MPZL1: variants seen among roughly 807,000 people sequenced by gnomAD.
The protein encoded by MPZL1 is myelin protein zero like 1.
Under a neutral mutation model 29.3 loss-of-function variants are expected in MPZL1, and 16 were observed. The observed-to-expected ratio is 0.55, with a 90% CI of 0.37 to 0.83. The LOEUF (loss-of-function observed/expected upper bound fraction) is 0.83. MPZL1 is among the 40% of genes least tolerant of loss of function. The probability of loss-of-function intolerance (pLI) is 0.00; values close to 1 mark genes in which losing one functional copy is unlikely to be tolerated. For synonymous variants in MPZL1, 143 were observed against 132.0 expected (o/e 1.08, Z -0.57); for missense variants, 279 against 332.9 (o/e 0.84, Z 1.26).
intron 1 of MPZL1, among the ~76,000 whole-genome samples, chr1:167,754,123 A>G (rs1191261936): frequency 1.3e-5 from 2 of 151,726 alleles, no homozygotes; most frequent in African/African-American, 4.8e-5. Flanking sequence ...TCAGCCTCCC[A>G]AGTAGCTGAG....
At chr1:167,778,731 T>C (rs1294700319) in intron 5 of MPZL1, among the ~76,000 whole-genome samples, 2 of 151,656 alleles carry the variant, frequency 1.3e-5, no homozygotes, top group Admixed American at 6.6e-5. Flanking sequence ...AAAGGAAAGC[T>C]TGAACCCAAT....
chr1:167,774,370 G>C (rs1025131985), intron 4 of MPZL1, among the ~76,000 whole-genome samples: 1 of 152,208 alleles, frequency 6.6e-6, no homozygotes, highest in Admixed American at 6.5e-5. Flanking sequence ...TGCATGTCCT[G>C]AACTCTCTTG....
rs68082264 is a variant in MPZL1, at chr1:167,739,310, C to CATATATACATATAT, written c.91+17069_91+17070insTATATACATATATA. On this transcript the variant is annotated intron_variant, in intron 1 of 5. Transcript: ENST00000359523. ...ATATATATATATATATATATATATA[C>CATATATACATATAT]ACATATATATATTTATGTTTATTCT... 5.6e-3 allele frequency among the ~76,000 whole-genome samples: 568 copies of CATATATACATATAT among 101,348 alleles called. 10 individuals carry two copies. Among genetic ancestry groups the CATATATACATATAT allele is most frequent in the Admixed American group, 7.6e-3 (76 of 9,970 alleles). The allele number at this position is 101,348 out of a possible 152,430, so 66.5% of individuals were successfully genotyped here.
chr1:167,739,492 A>G (rs1295671657), intron 1 of MPZL1, among the ~76,000 whole-genome samples: 3 of 151,584 alleles, frequency 2.0e-5, no homozygotes, highest in African/African-American at 7.3e-5. Context: ...TTTAAGTAGA[A>G]GAGCTTTTGA....
At chr1:167,739,286 T>TATATATATATAC (rs1230817931) in intron 1 of MPZL1, among the ~76,000 whole-genome samples, 3 of 108,298 alleles carry the variant, frequency 2.8e-5, no homozygotes, top group African/African-American at 1.1e-4. Flanking sequence ...TATATACATA[T>TATATATATATAC]ATATATATAT....
chr1:167,747,029 T>C (rs1222191675), intron 1 of MPZL1, among the ~76,000 whole-genome samples: 3 of 152,094 alleles, frequency 2.0e-5, no homozygotes, highest in African/African-American at 7.2e-5. Context: ...TATAGAGAGT[T>C]AGAAGATCAG....
chr1:167,774,561 T>C (rs1476298240), intron 4 of MPZL1: 1 of 152,276 alleles, frequency 6.6e-6, no homozygotes, highest in East Asian at 1.9e-4. Flanking sequence ...ATAGTTGGAC[T>C]ATTGGTTTCA....
intron 1 of MPZL1, among the ~76,000 whole-genome samples, chr1:167,726,343 T>C (rs1243465777): frequency 6.6e-6 from 1 of 152,234 alleles, no homozygotes; most frequent in Non-Finnish European, 1.5e-5. Context: ...TACTTCCTTA[T>C]TGTAATTTCT....
At chr1:167,759,842 C>T (rs1660944967) in intron 1 of MPZL1, among the ~76,000 whole-genome samples, 1 of 152,112 alleles carries the variant, frequency 6.6e-6, no homozygotes, top group Non-Finnish European at 1.5e-5. Context: ...ACATGGTAAC[C>T]AGGGTGGCTG....
intron 1 of MPZL1, among the ~76,000 whole-genome samples, chr1:167,724,060 G>A (rs979234224): frequency 6.6e-6 from 1 of 152,138 alleles, no homozygotes; most frequent in African/African-American, 2.4e-5. Flanking sequence ...CTCGCAAGCA[G>A]CTGGGGCTAC....
At chr1:167,772,150 G>A (rs968950840) in intron 2 of MPZL1, 125 bp from the exon 3 acceptor site, 1 of 759,286 alleles carries the variant, frequency 1.3e-6, no homozygotes, top group Non-Finnish European at 2.2e-6. Context: ...AGAGGGAGAG[G>A]GAGAGAGATG....
In MPZL1 at chr1:167,781,086, A is replaced by G. The variant is rs562831010; in HGVS notation, c.708+4920A>G. ...ATCCTAAATATTTATACTTCTAATA[A>G]TAGAGCTTGAAAGTAAGTGAAGTAA... On this transcript the variant is annotated intron_variant, in intron 5 of 5. Transcript: ENST00000359523. Among the ~76,000 whole-genome samples the G allele has an allele frequency of 7.2e-4, 109 of 152,290 alleles. 2 individuals are homozygous for G. The highest frequency in any genetic ancestry group is 4.9e-4 in the Non-Finnish European group (33 of 67,968).
In MPZL1 at chr1:167,772,356, G is replaced by C. The variant is rs1191189299; in HGVS notation, c.340G>C (p.Asp114His). Residue 114 changes from aspartate to histidine, a missense_variant, in exon 3 of 6, where the codon GAC (aspartate) becomes CAC (histidine). Transcript: ENST00000359523. ...CAGAATCAGCTGGGCTGGAGACCTT[G>C]ACAAGAAAGATGCATCAATCAACAT... is the stretch of plus-strand genomic sequence containing the variant. ...KDRISWAGDL[D>H]KKDASINIEN... The C allele has an allele frequency of 1.8e-5, 29 of 1,613,864 alleles. No homozygotes were observed. The highest frequency in any genetic ancestry group is 2.5e-5 in the Non-Finnish European group (29 of 1,179,802).
At chr1:167,763,448 G>A (rs1020913629) in intron 1 of MPZL1, among the ~76,000 whole-genome samples, 2 of 151,496 alleles carry the variant, frequency 1.3e-5, no homozygotes, top group South Asian at 2.1e-4. Flanking sequence ...CCCAGGAGGC[G>A]GAGGTTGCAA....
chr1:167,738,879 A>C (rs1167564639), intron 1 of MPZL1, among the ~76,000 whole-genome samples: 2 of 152,084 alleles, frequency 1.3e-5, no homozygotes, highest in Non-Finnish European at 2.9e-5. Context: ...CTCTTTTCTT[A>C]ATAAATTACC....
intron 1 of MPZL1, among the ~76,000 whole-genome samples, chr1:167,759,578 C>T (rs1215959856): frequency 2.0e-5 from 3 of 152,194 alleles, no homozygotes; most frequent in South Asian, 2.1e-4. Flanking sequence ...TCAGAAACTG[C>T]GGCTCTGTGC....
At chr1:167,754,299 C>T (rs1021068118) in intron 1 of MPZL1, among the ~76,000 whole-genome samples, 1 of 152,186 alleles carries the variant, frequency 6.6e-6, no homozygotes, top group African/African-American at 2.4e-5. Context: ...GCACCTGGCA[C>T]AGCTGCATTT....
intron 1 of MPZL1, among the ~76,000 whole-genome samples, chr1:167,732,832 T>C (rs916540487): frequency 2.0e-5 from 3 of 152,182 alleles, no homozygotes; most frequent in Admixed American, 6.5e-5. Context: ...GGTCTCGAGC[T>C]CCTGACCTCA....
chr1:167,765,247 G>A (rs1228034040), intron 1 of MPZL1: 1 of 155,892 alleles, frequency 6.4e-6, no homozygotes. Flanking sequence ...GGGAGAGTGA[G>A]GGAATATGAG....
Sources: allele counts gnomAD v4.1 joint callset (sites outside exome capture counted in the v4.1 genomes callset), GRCh38; gene constraint gnomAD v4.1.1; transcripts MANE v1.5; gene names NCBI Gene and HGNC (gene_info 2026-07-23, HGNC 2026-07-21).